The following RAMP1 variants were observed in gnomAD, a reference collection of about 807,000 sequenced individuals.
The protein encoded by RAMP1 is receptor activity modifying protein 1, also known as receptor activity-modifying protein 1.
In RAMP1, 7 loss-of-function variants were observed where a neutral mutation model predicts 8.2. That is an observed-to-expected ratio of 0.85 (90% CI 0.49 to 1.60). The LOEUF (loss-of-function observed/expected upper bound fraction) is 1.60. RAMP1 is among the 40% of genes most tolerant of loss of function. The probability of loss-of-function intolerance (pLI) is 0.00; values close to 1 mark genes in which losing one functional copy is unlikely to be tolerated. For missense variants in RAMP1, 192 were observed against 202.4 expected, an observed-to-expected ratio of 0.95 and a Z score of 0.31; for synonymous variants, 92 against 84.7, an observed-to-expected ratio of 1.09 and a Z score of -0.47.
intron 2 of RAMP1, among the ~76,000 whole-genome samples, chr2:237,883,608 G>C (rs2062395615): frequency 6.6e-6 from 1 of 152,146 alleles, no homozygotes; most frequent in Non-Finnish European, 1.5e-5. Context: ...TTAAGCCCAG[G>C]AGTGTGAGAA....
chr2:237,861,408 A>G (rs2062131968), intron 1 of RAMP1, among the ~76,000 whole-genome samples: 1 of 152,242 alleles, frequency 6.6e-6, no homozygotes, highest in South Asian at 2.1e-4. Flanking sequence ...CCCAAGCTGT[A>G]GCACTAGCCA....
chr2:237,870,262 C>G (rs1449751949), intron 1 of RAMP1, among the ~76,000 whole-genome samples: 1 of 152,214 alleles, frequency 6.6e-6, no homozygotes, highest in Non-Finnish European at 1.5e-5. Context: ...AGGGCCTGCC[C>G]CGAGGGCCTG....
chr2:237,896,373 C>G (rs7593474), intron 2 of RAMP1, among the ~76,000 whole-genome samples: 3,647 of 152,284 alleles, frequency 0.024, 172 homozygotes, highest in African/African-American at 0.083. Context: ...TCTCGCTTCT[C>G]CCAGCATGGG....
At position 237,878,983 on chromosome 2, in the gene RAMP1, C is replaced by T. The variant is rs2062338007; in HGVS notation, c.191+1621C>T. On this transcript the variant is annotated intron_variant, in intron 2 of 2. Transcript: ENST00000254661. The surrounding 1 kb of genome is among the most constrained non-coding windows in gnomAD (Gnocchi z 5.7). ...GTCTCCAGGGGCCCTGTGCCCTCAGCAGGGTCTCCTCACTCTACTGTACTG... is the reference window on the plus strand; with the variant it reads ...GTCTCCAGGGGCCCTGTGCCCTCAGTAGGGTCTCCTCACTCTACTGTACTG... Among the ~76,000 whole-genome samples the T allele has an allele frequency of 6.6e-6, 1 of 152,196 alleles. No homozygotes were observed. Among genetic ancestry groups the T allele is most frequent in the South Asian group, 2.1e-4 (1 of 4,832 alleles).
chr2:237,910,151 G>C (rs1018049258), intron 2 of RAMP1, among the ~76,000 whole-genome samples: 3 of 151,988 alleles, frequency 2.0e-5, no homozygotes, highest in African/African-American at 2.4e-5. Context: ...CACACACACA[G>C]AATAACACAG....
chr2:237,888,341 A>G (rs1319989175), intron 2 of RAMP1, among the ~76,000 whole-genome samples: 2 of 151,990 alleles, frequency 1.3e-5, no homozygotes, highest in Non-Finnish European at 2.9e-5. Context: ...GTGAGCCACC[A>G]CGCCCGGCCC....
At chr2:237,910,496 C>T (rs374421763) in intron 2 of RAMP1, among the ~76,000 whole-genome samples, 4 of 152,004 alleles carry the variant, frequency 2.6e-5, no homozygotes, top group African/African-American at 7.2e-5. Context: ...CACAGTCACA[C>T]ACAGAATAAC....
At chr2:237,906,118 C>T (rs984310281) in intron 2 of RAMP1, among the ~76,000 whole-genome samples, 3 of 152,068 alleles carry the variant, frequency 2.0e-5, no homozygotes, top group South Asian at 2.1e-4. Context: ...TACCATGGAC[C>T]GGCCACATAA....
At chr2:237,908,833 A>G (rs2151024316) in intron 2 of RAMP1, among the ~76,000 whole-genome samples, 1 of 152,124 alleles carries the variant, frequency 6.6e-6, no homozygotes, top group East Asian at 1.9e-4. Flanking sequence ...TCCCCTAGCC[A>G]TGGTGTGTCT....
chr2:237,911,981 G>A lies in RAMP1; in HGVS notation c.*198G>A, dbSNP rs913465553. Reference sequence around the variant, plus strand: ...GAAGCCCCCCTGGCTGGAGGCCACCGCCACCCTAGGAAGGGGGCAGGGACG... The same window carrying A: ...GAAGCCCCCCTGGCTGGAGGCCACCACCACCCTAGGAAGGGGGCAGGGACG... On this transcript the variant is annotated 3_prime_UTR_variant, in exon 3 of 3. Transcript: ENST00000254661. 6 of 886,584 alleles carry A rather than the reference G, an allele frequency of 6.8e-6. No homozygotes were observed. Among genetic ancestry groups the A allele is most frequent in the Admixed American group, 2.9e-5 (1 of 34,078 alleles). 54.9% of individuals were successfully genotyped at this position (886,584 alleles called of 1,614,324 possible). A position where few individuals can be genotyped will look rare whatever the true frequency, so the allele number is the denominator to read the frequency against.
At chr2:237,883,326 G>A (rs2062390791) in intron 2 of RAMP1, among the ~76,000 whole-genome samples, 1 of 151,744 alleles carries the variant, frequency 6.6e-6, no homozygotes, top group African/African-American at 2.4e-5. Flanking sequence ...ACCTTCCTAT[G>A]AGCGACGTAG....
At chr2:237,888,343 G>A (rs564822705) in intron 2 of RAMP1, among the ~76,000 whole-genome samples, 1 of 152,244 alleles carries the variant, frequency 6.6e-6, no homozygotes, top group African/African-American at 2.4e-5. Context: ...GAGCCACCAC[G>A]CCCGGCCCAT....
chr2:237,901,074 G>A (rs567631351), intron 2 of RAMP1, among the ~76,000 whole-genome samples: 14 of 152,350 alleles, frequency 9.2e-5, no homozygotes, highest in East Asian at 1.9e-4. Flanking sequence ...ACGCTGTGGC[G>A]CAGTGCCAGC....
At chr2:237,889,058 C>T (rs1463508242) in intron 2 of RAMP1, among the ~76,000 whole-genome samples, 2 of 152,328 alleles carry the variant, frequency 1.3e-5, no homozygotes, top group East Asian at 3.9e-4. Flanking sequence ...AGCCACTTTG[C>T]CCGGCCATAG....
At chr2:237,874,884 TA>T (rs5839679) in intron 1 of RAMP1, among the ~76,000 whole-genome samples, 10,069 of 151,854 alleles carry the variant, frequency 0.066, 589 homozygotes, top group African/African-American at 0.16. Flanking sequence ...GGGGACAGGG[TA>T]AGGGGGCAGG....
chr2:237,874,276 C>T (rs2062276591), intron 1 of RAMP1, among the ~76,000 whole-genome samples: 1 of 152,232 alleles, frequency 6.6e-6, no homozygotes, highest in South Asian at 2.1e-4. Context: ...ACAGGGAGGG[C>T]CACCCTGTGG....
At chr2:237,861,925 G>A (rs1160434630) in intron 1 of RAMP1, among the ~76,000 whole-genome samples, 4 of 152,004 alleles carry the variant, frequency 2.6e-5, no homozygotes, top group Admixed American at 2.6e-4. Flanking sequence ...TCTGTTTACT[G>A]GAGACTCTAC....
intron 2 of RAMP1, among the ~76,000 whole-genome samples, chr2:237,897,347 G>A (rs908936050): frequency 2.0e-5 from 3 of 152,342 alleles, no homozygotes; most frequent in South Asian, 4.1e-4. Flanking sequence ...CCTGCTCAAC[G>A]TGCAGAGAGG....
intron 1 of RAMP1, among the ~76,000 whole-genome samples, chr2:237,871,891 C>T (rs2062249067): frequency 6.6e-6 from 1 of 152,148 alleles, no homozygotes; most frequent in Non-Finnish European, 1.5e-5. Context: ...CCACTAGATA[C>T]GGTGATGGTT....
Sources: gnomAD v4.1 joint callset for allele counts (sites outside exome capture counted in the v4.1 genomes callset) on GRCh38, gnomAD v4.1.1 for gene constraint, Gnocchi (gnomAD v3.1) non-coding constraint, MANE v1.5 for transcripts, NCBI Gene and HGNC (gene_info 2026-07-23, HGNC 2026-07-21) for gene names.